The following SCAF8 variants were observed in gnomAD, a reference collection of about 807,000 sequenced individuals.
The protein encoded by SCAF8 is SR-related and CTD-associated factor 8.
SCAF8 carries 23 observed loss-of-function variants against 140.5 expected under a neutral mutation model. That is an observed-to-expected ratio of 0.16 (90% confidence interval 0.12 to 0.23). The LOEUF (loss-of-function observed/expected upper bound fraction) is 0.23. SCAF8 is among the 10% of genes least tolerant of loss of function. The pLI, the probability that SCAF8 is intolerant of heterozygous loss-of-function variation, is 1.00. For missense variants in SCAF8, 1,397 were observed against 1,555.7 expected (o/e 0.90, Z 1.72); for synonymous variants, 575 against 528.9 (o/e 1.09, Z -1.20).
chr6:154,791,671 C>T (rs914991261), intron 4 of SCAF8, among the ~76,000 whole-genome samples: 3 of 152,008 alleles, frequency 2.0e-5, no homozygotes, highest in Non-Finnish European at 4.4e-5. Context: ...ACATAGTTGG[C>T]CTGAGACCAG....
intron 2 of SCAF8, among the ~76,000 whole-genome samples, chr6:154,775,874 TATG>T (rs1776902642): frequency 6.6e-6 from 1 of 152,152 alleles, no homozygotes; most frequent in Non-Finnish European, 1.5e-5. Context: ...TGCAAATTAT[TATG>T]GTGAGCAGGA....
chr6:154,820,084 T>C (rs1269980029), intron 14 of SCAF8, 93 bp from the exon 15 acceptor site: 2 of 1,007,442 alleles, frequency 2.0e-6, no homozygotes, highest in Admixed American at 6.7e-5. Context: ...TTTTAATGTG[T>C]TTACATTGTT....
At position 154,805,480 on chromosome 6, in the gene SCAF8, T is replaced by A; in HGVS notation, c.975T>A (p.Pro325=). 1 of 1,588,158 alleles carries A rather than the reference T, an allele frequency of 6.3e-7. No individual in the cohort carries two copies. The highest frequency in any genetic ancestry group is 8.6e-7 in the Non-Finnish European group (1 of 1,158,922). ...LRQQLLEQQQ[P]QKATPQDSQE... Reference sequence around the variant, plus strand: ...AGCAGCTCTTGGAGCAGCAACAGCCTCAAAAGGTTTATAACCCCATCTTGT... The same window carrying A: ...AGCAGCTCTTGGAGCAGCAACAGCCACAAAAGGTTTATAACCCCATCTTGT... Residue 325 remains proline (P), a synonymous_variant, in exon 9 of 20, where the codon CCT becomes CCA. Coordinates refer to ENST00000367178, the MANE Select transcript of SCAF8 (RefSeq NM_014892.5).
chr6:154,805,305 T>C, intron 8 of SCAF8, 64 bp from the exon 9 acceptor site: 1 of 907,848 alleles, frequency 1.1e-6, no homozygotes, highest in Non-Finnish European at 1.7e-6. Flanking sequence ...CTTTGAATAC[T>C]CAGTTATTTT....
chr6:154,794,017 C>G (rs6942226), intron 5 of SCAF8, among the ~76,000 whole-genome samples: 89,104 of 151,486 alleles, frequency 0.59, 28,314 homozygotes, highest in East Asian at 0.91. Context: ...GACCTCCTGG[C>G]TTCTAGTGAT....
chr6:154,733,698 C>T lies in SCAF8; in HGVS notation c.-203C>T. On this transcript the variant is annotated 5_prime_UTR_variant, in exon 1 of 20. Transcript: ENST00000367178. ...AACGGCGCTCCCCCCGCCCTAGCGG[C>T]CATGCCGGTGCCGCTCTGCCGCTGA... 1 of 1,311,424 alleles carries T rather than the reference C, an allele frequency of 7.6e-7. No individual in the cohort carries two copies. Among genetic ancestry groups the T allele is most frequent in the Non-Finnish European group, 9.7e-7 (1 of 1,033,932 alleles). 81.2% of individuals were successfully genotyped at this position (1,311,424 alleles called of 1,614,324 possible).
intron 1 of SCAF8, among the ~76,000 whole-genome samples, chr6:154,747,774 A>C (rs1339734420): frequency 6.6e-6 from 1 of 152,132 alleles, no homozygotes; most frequent in Non-Finnish European, 1.5e-5. Context: ...TTCATTTAAC[A>C]CATTTTTTTT....
At chr6:154,798,008 G>A (rs1345186633) in intron 6 of SCAF8, among the ~76,000 whole-genome samples, 1 of 151,258 alleles carries the variant, frequency 6.6e-6, no homozygotes, top group Non-Finnish European at 1.5e-5. Flanking sequence ...CAGTGATACT[G>A]TATCACTTCA....
At chr6:154,760,064 G>A (rs1048154683) in intron 1 of SCAF8, among the ~76,000 whole-genome samples, 18 of 152,218 alleles carry the variant, frequency 1.2e-4, no homozygotes, top group Non-Finnish European at 2.5e-4. Flanking sequence ...GCTGAGGTGG[G>A]CAGATCACTT....
intron 1 of SCAF8, among the ~76,000 whole-genome samples, chr6:154,768,415 G>A (rs1776644381): frequency 6.6e-6 from 1 of 152,188 alleles, no homozygotes; most frequent in Non-Finnish European, 1.5e-5. Context: ...TTATTAGAGA[G>A]ATGAACTGCT....
At chr6:154,760,524 G>A (rs905909923) in intron 1 of SCAF8, among the ~76,000 whole-genome samples, 1 of 151,990 alleles carries the variant, frequency 6.6e-6, no homozygotes, top group Non-Finnish European at 1.5e-5. Flanking sequence ...AATACATACA[G>A]TATCGCACAC....
intron 1 of SCAF8, among the ~76,000 whole-genome samples, chr6:154,757,169 AT>A (rs1323728988): frequency 1.3e-5 from 2 of 152,026 alleles, no homozygotes; most frequent in African/African-American, 2.4e-5. Context: ...GCTAATTTTT[AT>A]TTTTACTAGA....
chr6:154,809,201 T>C (rs1778013676), intron 11 of SCAF8, among the ~76,000 whole-genome samples: 2 of 152,198 alleles, frequency 1.3e-5, no homozygotes, highest in African/African-American at 4.8e-5. Context: ...TTATAAACAT[T>C]AACTGTAATA....
At chr6:154,792,533 C>T (rs939390304) in intron 4 of SCAF8, among the ~76,000 whole-genome samples, 3 of 152,154 alleles carry the variant, frequency 2.0e-5, no homozygotes, top group African/African-American at 7.2e-5. Context: ...CCAGCCTTAC[C>T]ATCCATATCA....
Position 154,733,795 on chromosome 6 carries a change from C to T in SCAF8, c.-106C>T, listed in dbSNP as rs1049813080. The T allele has an allele frequency of 1.1e-5, 16 of 1,410,076 alleles. No individual in the cohort carries two copies. The highest frequency in any genetic ancestry group is 4.8e-5 in the South Asian group (3 of 62,982). The allele number at this position is 1,410,076 out of a possible 1,614,324, so 87.3% of individuals were successfully genotyped here. On this transcript the variant is annotated 5_prime_UTR_variant, in exon 1 of 20. Coordinates refer to ENST00000367178, the MANE Select transcript of SCAF8 (RefSeq NM_014892.5). Reference sequence around the variant, plus strand: ...TCGCAGCGGCCCGCTCTCCCGCCAGCGCCCCCTCCTCGCGGCCACGCAGCA... The same window carrying T: ...TCGCAGCGGCCCGCTCTCCCGCCAGTGCCCCCTCCTCGCGGCCACGCAGCA...
intron 6 of SCAF8, among the ~76,000 whole-genome samples, chr6:154,797,935 A>G (rs1055040899): frequency 8.6e-5 from 13 of 151,234 alleles, no homozygotes; most frequent in Non-Finnish European, 1.6e-4. Context: ...TCCAATTTTC[A>G]TACGTCTCAC....
At position 154,810,004 on chromosome 6, in the gene SCAF8, AT is replaced by A. The variant is rs749720766; in HGVS notation, c.1227-5del. ...CATTGTCATTAGAAGTAAAATGAAA[AT>A]TTTTTGTAGATCACCAAGAAAACGA... On this transcript the variant is annotated splice_polypyrimidine_tract_variant and intron_variant, in intron 11 of 19. Coordinates refer to ENST00000367178, the MANE Select transcript of SCAF8 (RefSeq NM_014892.5). 1.9e-6 allele frequency: 3 copies of A among 1,584,566 alleles called. No individual in the cohort carries two copies. The South Asian group carries it at 3.6e-5, about 19-fold the overall frequency.
chr6:154,809,874 G>C (rs1778038330), intron 11 of SCAF8, 141 bp from the exon 12 acceptor site: 1 of 761,630 alleles, frequency 1.3e-6, no homozygotes, highest in Non-Finnish European at 2.2e-6. Flanking sequence ...TTTGAGACTT[G>C]ATTTTACTTC....
intron 1 of SCAF8, among the ~76,000 whole-genome samples, chr6:154,748,201 C>T (rs376672802): frequency 6.6e-6 from 1 of 152,116 alleles, no homozygotes; most frequent in African/African-American, 2.4e-5. Context: ...AATAAAACTG[C>T]ACTAATTGGC....
Sources: gnomAD v4.1 joint callset for allele counts (sites outside exome capture counted in the v4.1 genomes callset) on GRCh38, gnomAD v4.1.1 for gene constraint, MANE v1.5 for transcripts, NCBI Gene and HGNC (gene_info 2026-07-23, HGNC 2026-07-21) for gene names.